Variants in PRPF8 observed in about 807,000 individuals in gnomAD.
PRPF8 encodes the protein pre-mRNA-processing-splicing factor 8.
A neutral mutation model predicts 285.9 loss-of-function variants in PRPF8; 64 were observed. The observed-to-expected ratio is 0.22, with a 90% CI of 0.18 to 0.28. The LOEUF is 0.28. Ranked by LOEUF, PRPF8 falls within the 10% of genes least tolerant of loss-of-function variation. PRPF8 has a pLI of 1.00. For missense variants in PRPF8, 1,426 were observed against 3,026.7 expected, an observed-to-expected ratio of 0.47 and a Z score of 12.41; for synonymous variants, 1,325 against 1,118.2, an observed-to-expected ratio of 1.18 and a Z score of -3.69.
chr17:1,670,438 T>C (rs1359890550), intron 24 of PRPF8, among the ~76,000 whole-genome samples: 3 of 152,226 alleles, frequency 2.0e-5, no homozygotes, highest in Admixed American at 2.0e-4. Flanking sequence ...TCTTATCAAA[T>C]CTGTTCCCCT....
chr17:1,683,279 G>A (rs1913038556), intron 3 of PRPF8: 11 of 522,196 alleles, frequency 2.1e-5, no homozygotes, highest in South Asian at 1.8e-4. Flanking sequence ...ACAGGCATGA[G>A]CCACCGCGCC....
rs781611571 is a variant in PRPF8, at chr17:1,675,384, T to C, written c.2873-45A>G. The C allele has an allele frequency of 2.1e-5, 33 of 1,603,278 alleles. No homozygotes were observed. In the Admixed American group the frequency reaches 5.2e-4, roughly 25 times the overall value. ...GTCTCCAGCAGGTTAGAAATCCTCT[T>C]GCAAGACTAGCCCCACAGGAACTAT... On this transcript the variant is annotated intron_variant, in intron 19 of 42. Coordinates refer to ENST00000304992, the MANE Select transcript of PRPF8 (RefSeq NM_006445.4). The surrounding 1 kb of genome is among the most constrained non-coding windows in gnomAD (Gnocchi z 6.0).
At chr17:1,669,149 G>A (rs1047414832) in intron 24 of PRPF8, among the ~76,000 whole-genome samples, 29 of 151,980 alleles carry the variant, frequency 1.9e-4, no homozygotes, top group African/African-American at 6.0e-4. Flanking sequence ...CTCTGTCGCC[G>A]AGGCTGGGGT....
At chr17:1,684,071 G>C (rs573910850) in intron 2 of PRPF8, among the ~76,000 whole-genome samples, 63 of 152,086 alleles carry the variant, frequency 4.1e-4, no homozygotes, top group African/African-American at 1.5e-3. Flanking sequence ...ATTTTTCGTA[G>C]AGACGAGGTT....
rs1912558477 is a variant in PRPF8, at chr17:1,675,416, C to G, written c.2873-77G>C. On this transcript the variant is annotated intron_variant, in intron 19 of 42. Transcript: ENST00000304992. This position sits in a 1 kb window ranked among gnomAD's most constrained non-coding sequence, Gnocchi z 6.0. ...CTAGCCCCACAGGAACTATCATTAC[C>G]TTCCATAACCAATCCCACTATGATT... 1 of 1,535,974 alleles carries G rather than the reference C, an allele frequency of 6.5e-7. No individual in the cohort carries two copies. The highest frequency in any genetic ancestry group is 9.0e-7 in the Non-Finnish European group (1 of 1,111,854).
intron 34 of PRPF8, among the ~76,000 whole-genome samples, chr17:1,657,969 T>TAAAAAA (rs58695090): frequency 1.1e-5 from 1 of 94,054 alleles, no homozygotes; most frequent in Non-Finnish European, 2.4e-5. Flanking sequence ...AGACTCCGGC[T>TAAAAAA]AAAAAAAAAA....
chr17:1,683,386 G>T, intron 3 of PRPF8, 147 bp downstream of exon 3: 1 of 875,810 alleles, frequency 1.1e-6, no homozygotes, highest in Non-Finnish European at 1.9e-6. Flanking sequence ...AGTGGAAGAT[G>T]TAGAAATTAT....
chr17:1,666,466 T>C (rs1475303748), intron 24 of PRPF8, among the ~76,000 whole-genome samples: 1 of 150,350 alleles, frequency 6.7e-6, no homozygotes, highest in African/African-American at 2.5e-5. Context: ...TGGGAGGGTC[T>C]CCTGAGCCTG....
At chr17:1,678,193 T>G (rs1010415005) in intron 13 of PRPF8, among the ~76,000 whole-genome samples, 1 of 152,156 alleles carries the variant, frequency 6.6e-6, no homozygotes, top group Non-Finnish European at 1.5e-5. Context: ...TGCGCGCCTG[T>G]AGTCCCAGCT....
In PRPF8 at chr17:1,680,723, C is replaced by T; in HGVS notation, c.1098+3G>A. 6.2e-7 allele frequency: 1 copy of T among 1,609,676 alleles called. No homozygotes were observed. Among genetic ancestry groups the T allele is most frequent in the Non-Finnish European group, 8.5e-7 (1 of 1,175,912 alleles). On this transcript the variant is annotated splice_donor_region_variant and intron_variant, in intron 8 of 42. Transcript: ENST00000304992. ...GAGGGAAAGCATCCCTTCCCTTCCT[C>T]ACCTTGACTGAGTGCCTATGGGAGA...
intron 36 of PRPF8, 111 bp downstream of exon 36, chr17:1,656,281 C>T: frequency 7.4e-7 from 1 of 1,351,688 alleles, no homozygotes; most frequent in South Asian, 1.2e-5. Context: ...ACAGAGTTCC[C>T]ACCCAATCTA....
Position 1,676,423 on chromosome 17 carries a change from C to G in PRPF8, c.2389-53G>C. The G allele has an allele frequency of 6.2e-7, 1 of 1,614,090 alleles. No individual in the cohort carries two copies. Among genetic ancestry groups the G allele is most frequent in the Non-Finnish European group, 8.5e-7 (1 of 1,180,032 alleles). On this transcript the variant is annotated intron_variant, in intron 16 of 42. Coordinates refer to ENST00000304992, the MANE Select transcript of PRPF8 (RefSeq NM_006445.4). This position sits in a 1 kb window ranked among gnomAD's most constrained non-coding sequence, Gnocchi z 6.3. ...CCGCTACAGCCCGATCCTGCCAGAA[C>G]AAGGTTCAGTCACAACTCTACAGTC...
rs746811192 is a variant in PRPF8, at chr17:1,679,657, C to A, written c.1241G>T (p.Arg414Leu). The A allele has an allele frequency of 3.1e-6, 5 of 1,614,092 alleles. No individual in the cohort carries two copies. The Admixed American group carries it at 5.0e-5, about 16-fold the overall frequency. Residue 414 changes from arginine (R) to leucine (L), a missense_variant, in exon 9 of 43, where the codon CGC becomes CTC. Transcript: ENST00000304992. This position sits in a 1 kb window ranked among gnomAD's most constrained non-coding sequence, Gnocchi z 4.7. ...CAGGGCCCGACGGGTGCGACCAGAG[C>A]GTAGGTTGAAGGGCCGCGGGGCCCA... ...LLWAPRPFNLRSGRTRRALDI... is the reference protein window; with the variant it reads ...LLWAPRPFNLLSGRTRRALDI...
chr17:1,669,329 A>T (rs570690419), intron 24 of PRPF8, among the ~76,000 whole-genome samples: 191 of 151,308 alleles, frequency 1.3e-3, no homozygotes, highest in Non-Finnish European at 2.2e-3. Flanking sequence ...CTGGTCTCGA[A>T]CTCCTGACTT....
At chr17:1,678,436 T>G in intron 13 of PRPF8, 82 bp downstream of exon 13, 1 of 1,575,810 alleles carries the variant, frequency 6.3e-7, no homozygotes, top group South Asian at 1.1e-5. Context: ...TGAGCCAAGA[T>G]CGTGCCATTG....
Position 1,661,661 on chromosome 17 carries a change from C to T in PRPF8, c.4152G>A (p.Arg1384=), listed in dbSNP as rs746793043. Residue 1384 remains arginine (R), a synonymous_variant, in exon 26 of 43, where the codon CGG becomes CGA. Coordinates refer to ENST00000304992, the MANE Select transcript of PRPF8 (RefSeq NM_006445.4). The surrounding 1 kb of genome is among the most constrained non-coding windows in gnomAD (Gnocchi z 7.3). ...PWESEFIDSQ[R]VWAEYALKRQ... The stretch of plus-strand genomic sequence containing the variant: ...TCTTGAGTGCGTACTCAGCCCAGAC[C>T]CGCTGAGAATCAATGAACTCGCTCT... The T allele has an allele frequency of 6.2e-7, 1 of 1,614,020 alleles. No individual in the cohort carries two copies.
At chr17:1,652,194 CCA>C (rs1249509789) in intron 39 of PRPF8, 5 of 339,444 alleles carry the variant, frequency 1.5e-5, no homozygotes, top group South Asian at 2.5e-5. Context: ...ATAAACTCAC[CCA>C]CACAGGATAT....
intron 3 of PRPF8, 161 bp downstream of exon 3, chr17:1,683,372 C>CAA: frequency 1.2e-6 from 1 of 801,384 alleles, no homozygotes; most frequent in South Asian, 1.5e-5. Flanking sequence ...AAACAGACTG[C>CAA]AAAAGTGGAA....
At chr17:1,674,130 C>A (rs1912482431) in intron 21 of PRPF8, among the ~76,000 whole-genome samples, 1 of 152,234 alleles carries the variant, frequency 6.6e-6, no homozygotes, top group South Asian at 2.1e-4. Flanking sequence ...TCACGCCCTT[C>A]TCCAGCCTCA....
Sources: allele counts gnomAD v4.1 joint callset (sites outside exome capture counted in the v4.1 genomes callset), GRCh38; gene constraint gnomAD v4.1.1; non-coding constraint Gnocchi (gnomAD v3.1); transcripts MANE v1.5; gene names NCBI Gene and HGNC (gene_info 2026-07-23, HGNC 2026-07-21).